Variants in GRM3 observed in about 807,000 individuals in gnomAD.
GRM3 encodes glutamate metabotropic receptor 3, also known as metabotropic glutamate receptor 3.
In GRM3, 26 loss-of-function variants were observed where a neutral mutation model predicts 70.5. The ratio of observed to expected loss-of-function variants is 0.37; its 90% CI spans 0.27 to 0.51. The LOEUF is 0.51. GRM3 is among the 20% of genes least tolerant of loss of function. The probability of loss-of-function intolerance (pLI) is 0.93; values close to 1 mark genes in which losing one functional copy is unlikely to be tolerated. For missense variants in GRM3, 859 were observed against 1,123.8 expected (o/e 0.76, Z 3.37); for synonymous variants, 443 against 434.9 (o/e 1.02, Z -0.23).
At chr7:86,702,704 T>C (rs1264130720) in intron 1 of GRM3, among the ~76,000 whole-genome samples, 1 of 151,952 alleles carries the variant, frequency 6.6e-6, no homozygotes, top group Non-Finnish European at 1.5e-5. Flanking sequence ...TATCTTCAGT[T>C]TACCTCATTT....
At chr7:86,716,262 A>G (rs1325291130) in intron 1 of GRM3, among the ~76,000 whole-genome samples, 1 of 151,984 alleles carries the variant, frequency 6.6e-6, no homozygotes, top group African/African-American at 2.4e-5. Flanking sequence ...TCTATGACAG[A>G]GTATGACAAA....
chr7:86,755,245 A>G (rs1224540593), intron 1 of GRM3, among the ~76,000 whole-genome samples: 1 of 152,180 alleles, frequency 6.6e-6, no homozygotes, highest in Non-Finnish European at 1.5e-5. Flanking sequence ...CAAAATGGAA[A>G]AATTCAGCTC....
At chr7:86,840,860 C>A (rs1798545159) in intron 4 of GRM3, among the ~76,000 whole-genome samples, 1 of 152,034 alleles carries the variant, frequency 6.6e-6, no homozygotes, top group South Asian at 2.1e-4. Flanking sequence ...TGCTGTTTAC[C>A]AGCAATTCCT....
chr7:86,702,372 G>A (rs952142099), intron 1 of GRM3, among the ~76,000 whole-genome samples: 1 of 152,004 alleles, frequency 6.6e-6, no homozygotes, highest in Non-Finnish European at 1.5e-5. Flanking sequence ...AGTGAACAAT[G>A]TTCTTAAGCC....
intron 3 of GRM3, among the ~76,000 whole-genome samples, chr7:86,802,620 G>T (rs1224362808): frequency 6.6e-6 from 1 of 151,208 alleles, no homozygotes; most frequent in Non-Finnish European, 1.5e-5. Flanking sequence ...ACGTAATCAG[G>T]CTACAGATCA....
chr7:86,819,598 G>T (rs896356186), intron 3 of GRM3, among the ~76,000 whole-genome samples: 1 of 152,128 alleles, frequency 6.6e-6, no homozygotes, highest in Non-Finnish European at 1.5e-5. Context: ...GGCCTAGGGG[G>T]ACAAGCACAT....
At chr7:86,740,014 C>CA (rs1236541286) in intron 1 of GRM3, among the ~76,000 whole-genome samples, 1 of 152,060 alleles carries the variant, frequency 6.6e-6, no homozygotes, top group Non-Finnish European at 1.5e-5. Flanking sequence ...TGTGAGCATT[C>CA]AAAAACATTA....
At chr7:86,768,121 C>T (rs1368115873) in intron 2 of GRM3, among the ~76,000 whole-genome samples, 9 of 152,112 alleles carry the variant, frequency 5.9e-5, no homozygotes, top group Admixed American at 5.9e-4. Flanking sequence ...TCCAACTACA[C>T]CGTTTTCTGG....
rs555556264 is a variant in GRM3, at chr7:86,797,885, T to C, written c.1324+10769T>C. ...TGCTTTGTGCAGTCTCAGGACTCGG[T>C]GCCTGCATCCCAGCCGTGGCTAAAA... On this transcript the variant is annotated intron_variant, in intron 3 of 5. Coordinates refer to ENST00000361669, the MANE Select transcript of GRM3 (RefSeq NM_000840.3). Among the ~76,000 whole-genome samples, 49 of 152,284 alleles carry C rather than the reference T, an allele frequency of 3.2e-4. No homozygotes were observed. The East Asian group carries it at 5.2e-3, about 16-fold the overall frequency.
chr7:86,743,938 AC>A (rs1177539631), intron 1 of GRM3, among the ~76,000 whole-genome samples: 1 of 152,192 alleles, frequency 6.6e-6, no homozygotes, highest in Non-Finnish European at 1.5e-5. Context: ...TATATCCTTT[AC>A]AAAGCACATT....
chr7:86,839,360 T>C lies in GRM3; in HGVS notation c.1846T>C (p.Tyr616His). ...CAAAGCATCGGGCCGAGAACTCTGC[T>C]ACATCTTATTGTTTGGGGTTGGCCT... ...LVKASGRELC[Y>H]ILLFGVGLSY... The change falls in exon 4 of 6, where the codon TAC becomes CAC. Residue 616 changes from tyrosine (Y) to histidine (H), a missense_variant. By Grantham distance (83) the Tyr-to-His change is moderately conservative. Coordinates refer to ENST00000361669, the MANE Select transcript of GRM3 (RefSeq NM_000840.3). The surrounding 1 kb of genome is among the most constrained non-coding windows in gnomAD (Gnocchi z 4.5). 1 of 1,614,096 alleles carries C rather than the reference T, an allele frequency of 6.2e-7. No homozygotes were observed. Among genetic ancestry groups the C allele is most frequent in the Non-Finnish European group, 8.5e-7 (1 of 1,179,992 alleles).
chr7:86,736,786 T>C (rs1307781104), intron 1 of GRM3, among the ~76,000 whole-genome samples: 1 of 152,210 alleles, frequency 6.6e-6, no homozygotes, highest in Non-Finnish European at 1.5e-5. Context: ...CTAGGAACTA[T>C]GATCTTACTG....
At chr7:86,731,372 C>T (rs1018514440) in intron 1 of GRM3, among the ~76,000 whole-genome samples, 5 of 152,116 alleles carry the variant, frequency 3.3e-5, no homozygotes, top group Non-Finnish European at 7.4e-5. Flanking sequence ...TTATCTTGTT[C>T]CTTCACATGA....
chr7:86,832,798 C>T (rs892396141), intron 3 of GRM3, among the ~76,000 whole-genome samples: 1 of 152,122 alleles, frequency 6.6e-6, no homozygotes, highest in Non-Finnish European at 1.5e-5. Flanking sequence ...GGTATTCAAG[C>T]CAAGTTCCCA....
chr7:86,690,678 G>T (rs1794676152), intron 1 of GRM3, among the ~76,000 whole-genome samples: 1 of 152,088 alleles, frequency 6.6e-6, no homozygotes, highest in South Asian at 2.1e-4. Context: ...GATTGAGAGT[G>T]CTAGTAGTGA....
rs559420462 is a variant in GRM3 at position 86,707,358 on chromosome 7, T to G, written c.-140-57648T>G. On this transcript the variant is annotated intron_variant, in intron 1 of 5. Coordinates refer to ENST00000361669, the MANE Select transcript of GRM3 (RefSeq NM_000840.3). ...AATCTTAGTGTTGTCCTCTACAAAA[T>G]GAGGCGAATAATGATACCTCCTCCT... Among the ~76,000 whole-genome samples, 218 of 152,192 alleles carry G rather than the reference T, an allele frequency of 1.4e-3. 2 individuals are homozygous for G. Among genetic ancestry groups the G allele is most frequent in the African/African-American group, 4.6e-3 (192 of 41,556 alleles).
chr7:86,674,905 G>C (rs1794268754), intron 1 of GRM3, among the ~76,000 whole-genome samples: 1 of 152,036 alleles, frequency 6.6e-6, no homozygotes, highest in South Asian at 2.1e-4. Context: ...AAGTCCCAAT[G>C]CATTTATCAC....
chr7:86,858,197 C>T (rs1024336677), intron 5 of GRM3, among the ~76,000 whole-genome samples: 1 of 151,930 alleles, frequency 6.6e-6, no homozygotes, highest in Non-Finnish European at 1.5e-5. Flanking sequence ...ACCTCATGAT[C>T]CACCCACCTC....
At chr7:86,808,506 G>A (rs1797844234) in intron 3 of GRM3, among the ~76,000 whole-genome samples, 1 of 151,552 alleles carries the variant, frequency 6.6e-6, no homozygotes, top group African/African-American at 2.4e-5. Context: ...CCACAAATAA[G>A]CTAGTACAGA....
Sources: gnomAD v4.1 joint callset for allele counts (sites outside exome capture counted in the v4.1 genomes callset) on GRCh38, gnomAD v4.1.1 for gene constraint, Gnocchi (gnomAD v3.1) non-coding constraint, MANE v1.5 for transcripts, NCBI Gene and HGNC (gene_info 2026-07-23, HGNC 2026-07-21) for gene names.